The following BRINP3 variants were observed in gnomAD, a reference collection of about 807,000 sequenced individuals.
BRINP3 encodes the protein BMP/retinoic acid inducible neural specific 3.
In BRINP3, 19 loss-of-function variants were observed where a neutral mutation model predicts 71.0. The observed-to-expected ratio is 0.27, with a 90% CI of 0.19 to 0.39. BRINP3 has a LOEUF of 0.39. BRINP3 is among the 10% of genes least tolerant of loss of function. The probability of loss-of-function intolerance (pLI) is 1.00; values close to 1 mark genes in which losing one functional copy is unlikely to be tolerated. For missense variants in BRINP3, 959 were observed against 940.8 expected, an observed-to-expected ratio of 1.02 and a Z score of -0.25; for synonymous variants, 380 against 337.7, an observed-to-expected ratio of 1.13 and a Z score of -1.37.
chr1:190,109,662 C>A (rs1479093002), intron 7 of BRINP3, among the ~76,000 whole-genome samples: 1 of 152,206 alleles, frequency 6.6e-6, no homozygotes, highest in African/African-American at 2.4e-5. Flanking sequence ...CAGACACCTT[C>A]TAGTCCAATG....
intron 2 of BRINP3, among the ~76,000 whole-genome samples, chr1:190,323,532 GTT>G (rs1666384486): frequency 6.6e-6 from 1 of 150,758 alleles, no homozygotes; most frequent in African/African-American, 2.4e-5. Context: ...TCTAATGAGA[GTT>G]ATCCATCGGA....
chr1:190,439,095 C>A lies in BRINP3; in HGVS notation c.236+15560G>T, dbSNP rs560295590. On this transcript the variant is annotated intron_variant, in intron 2 of 7. Coordinates refer to ENST00000367462, the MANE Select transcript of BRINP3 (RefSeq NM_199051.3). Reference sequence around the variant, plus strand: ...AGTTGTGTGTCTATGTGGGAGATGACCCAAAAGGCGAGAGGCGTAGGTGAG... The same window carrying A: ...AGTTGTGTGTCTATGTGGGAGATGAACCAAAAGGCGAGAGGCGTAGGTGAG... Among the ~76,000 whole-genome samples the A allele has an allele frequency of 6.6e-5, 10 of 151,882 alleles. No homozygotes were observed. In the East Asian group the frequency reaches 1.9e-3, roughly 29 times the overall value.
Position 190,098,357 on chromosome 1 carries a change from A to G in BRINP3, c.1962T>C (p.Pro654=). The part of the protein sequence containing the change: ...IYYEPLEFID[P]SRNLGYMKIN... ...TTTTCATATAGCCCAGGTTCCGGGA[A>G]GGGTCAATAAACTCCAGAGGTTCAT... The change falls in exon 8 of 8, where the codon CCT becomes CCC. Residue 654 remains proline (P), a synonymous_variant. Transcript: ENST00000367462. 1 of 1,614,168 alleles carries G rather than the reference A, an allele frequency of 6.2e-7. No individual in the cohort carries two copies. The highest frequency in any genetic ancestry group is 8.5e-7 in the Non-Finnish European group (1 of 1,180,040).
At chr1:190,197,439 C>G (rs1654585877) in intron 6 of BRINP3, among the ~76,000 whole-genome samples, 2 of 152,162 alleles carry the variant, frequency 1.3e-5, no homozygotes, top group Admixed American at 1.3e-4. Flanking sequence ...CAAGGCAATT[C>G]CCTTCCATCT....
At chr1:190,242,838 C>T (rs1571478678) in intron 4 of BRINP3, among the ~76,000 whole-genome samples, 1 of 151,922 alleles carries the variant, frequency 6.6e-6, no homozygotes, top group East Asian at 1.9e-4. Flanking sequence ...TTGAAGTAAA[C>T]TGAAGGTTAC....
At chr1:190,173,370 C>T (rs1652198275) in intron 6 of BRINP3, among the ~76,000 whole-genome samples, 1 of 152,124 alleles carries the variant, frequency 6.6e-6, no homozygotes, top group Non-Finnish European at 1.5e-5. Flanking sequence ...TGTCCTTATT[C>T]CTTATTGAGC....
chr1:190,122,863 A>G (rs1022972960), intron 7 of BRINP3, among the ~76,000 whole-genome samples: 1 of 152,144 alleles, frequency 6.6e-6, no homozygotes, highest in Non-Finnish European at 1.5e-5. Context: ...AGGTATAGAT[A>G]TAGATAGTGT....
At chr1:190,475,999 CA>C (rs942783053) in intron 1 of BRINP3, 2 of 152,300 alleles carry the variant, frequency 1.3e-5, no homozygotes, top group African/African-American at 4.8e-5. Flanking sequence ...GGAAAGAGAC[CA>C]GGTAGAAACT....
chr1:190,392,149 A>T (rs1671291046), intron 2 of BRINP3, among the ~76,000 whole-genome samples: 1 of 151,708 alleles, frequency 6.6e-6, no homozygotes, highest in African/African-American at 2.4e-5. Flanking sequence ...CCCTTTAAAA[A>T]TAGGCTTTAA....
At chr1:190,128,001 A>T (rs1367171790) in intron 7 of BRINP3, among the ~76,000 whole-genome samples, 2 of 151,788 alleles carry the variant, frequency 1.3e-5, no homozygotes, top group Non-Finnish European at 2.9e-5. Context: ...TCCAGAAGTA[A>T]TATCAATGCT....
At chr1:190,388,216 A>G (rs966018066) in intron 2 of BRINP3, among the ~76,000 whole-genome samples, 7 of 151,790 alleles carry the variant, frequency 4.6e-5, no homozygotes, top group Non-Finnish European at 8.8e-5. Flanking sequence ...ATAATATTTC[A>G]GGCAAAGTGA....
intron 7 of BRINP3, among the ~76,000 whole-genome samples, chr1:190,152,794 G>A (rs1656531847): frequency 1.3e-5 from 2 of 151,944 alleles, no homozygotes; most frequent in South Asian, 2.1e-4. Flanking sequence ...CATTATAGTC[G>A]TACTCTGCCT....
chr1:190,371,151 C>T (rs1001986994), intron 2 of BRINP3, among the ~76,000 whole-genome samples: 2 of 152,134 alleles, frequency 1.3e-5, no homozygotes, highest in Non-Finnish European at 1.5e-5. Flanking sequence ...TTTCTTCTTT[C>T]CTTTGCTGTG....
intron 7 of BRINP3, among the ~76,000 whole-genome samples, chr1:190,151,438 T>A (rs1475466406): frequency 1.3e-5 from 2 of 152,182 alleles, no homozygotes; most frequent in African/African-American, 4.8e-5. Context: ...TAATGTGATA[T>A]CAGCAAATAA....
At chr1:190,239,522 G>T (rs1203472164) in intron 4 of BRINP3, among the ~76,000 whole-genome samples, 7 of 152,000 alleles carry the variant, frequency 4.6e-5, no homozygotes, top group Non-Finnish European at 1.0e-4. Flanking sequence ...AGGTAAGAGG[G>T]CATTAGGATA....
intron 4 of BRINP3, among the ~76,000 whole-genome samples, chr1:190,236,883 AAC>A (rs1276842377): frequency 6.6e-6 from 1 of 151,932 alleles, no homozygotes; most frequent in Non-Finnish European, 1.5e-5. Flanking sequence ...CATGAATATA[AAC>A]ACACACACGC....
chr1:190,322,004 T>A (rs774116133), intron 2 of BRINP3, among the ~76,000 whole-genome samples: 2 of 151,982 alleles, frequency 1.3e-5, no homozygotes, highest in Non-Finnish European at 2.9e-5. Flanking sequence ...TATATAAGAT[T>A]TTTTCATAAA....
chr1:190,147,510 C>A (rs1655995320), intron 7 of BRINP3, among the ~76,000 whole-genome samples: 1 of 152,112 alleles, frequency 6.6e-6, no homozygotes, highest in African/African-American at 2.4e-5. Context: ...AATAAAATAT[C>A]AATTCACTAA....
intron 4 of BRINP3, among the ~76,000 whole-genome samples, chr1:190,251,646 G>T (rs926902724): frequency 1.3e-5 from 2 of 151,912 alleles, no homozygotes; most frequent in African/African-American, 2.4e-5. Flanking sequence ...TGCAATAAAA[G>T]AAATTGAGGA....
Sources: gnomAD v4.1 joint callset for allele counts (sites outside exome capture counted in the v4.1 genomes callset) on GRCh38, gnomAD v4.1.1 for gene constraint, MANE v1.5 for transcripts, NCBI Gene and HGNC (gene_info 2026-07-23, HGNC 2026-07-21) for gene names.